The following LRRC53 variants were observed in gnomAD, a reference collection of about 807,000 sequenced individuals.
LRRC53 encodes leucine-rich repeat-containing protein 53.
Under a neutral mutation model 13.6 loss-of-function variants are expected in LRRC53, and 25 were observed. The observed-to-expected ratio is 1.83, with a 90% CI of 1.34 to 2.56. LRRC53 has a LOEUF of 2.56. Ranked by LOEUF, LRRC53 falls within the 30% of genes most tolerant of loss-of-function variation. LRRC53 has a pLI of 0.00. For missense variants in LRRC53, 527 were observed against 275.8 expected, an observed-to-expected ratio of 1.91 and a Z score of -6.45; for synonymous variants, 204 against 109.8, an observed-to-expected ratio of 1.86 and a Z score of -5.37.
chr1:74,480,728 T>C lies in LRRC53; in HGVS notation c.329A>G (p.Gln110Arg). The C allele has an allele frequency of 1.4e-6, 1 of 717,484 alleles. No individual in the cohort carries two copies. The highest frequency in any genetic ancestry group is 2.6e-6 in the Non-Finnish European group (1 of 385,090). The allele number at this position is 717,484 out of a possible 1,614,324, so 44.4% of individuals were successfully genotyped here. The change falls in exon 3 of 5, where the codon CAG becomes CGG. Residue 110 changes from glutamine to arginine, a missense_variant. Gln to Arg is a conservative substitution (Grantham distance 43). Transcript: ENST00000294635. ...DHTFSKLHSL[Q>R]VLVLSNNALR... ...AGCATTATTGCTCAGCACCAGTACC[T>C]GCAGGCTGTGAAGCTTGCTGAAGGT...
intron 1 of LRRC53, 94 bp from the exon 2 acceptor site, chr1:74,483,469 T>C: frequency 1.6e-6 from 1 of 610,458 alleles, no homozygotes; most frequent in Non-Finnish European, 3.0e-6. Context: ...TTTGGTAATT[T>C]CTACTGTTCA....
chr1:74,516,962 T>A (rs1646357567), upstream of LRRC53, among the ~76,000 whole-genome samples: 1 of 152,140 alleles, frequency 6.6e-6, no homozygotes, highest in Admixed American at 6.5e-5. Context: ...CTAAAAGAAA[T>A]ATTTACAGTC....
chr1:74,526,819 A>AAAG, the LRRC53 span, among the ~76,000 whole-genome samples: 1,939 of 152,282 alleles, frequency 0.013, 36 homozygotes, highest in African/African-American at 0.043. Flanking sequence ...CTGACACTCT[A>AAAG]AAGAAGAGAT....
At chr1:74,501,810 C>A (rs924854882) in intron 1 of LRRC53, among the ~76,000 whole-genome samples, 2 of 151,858 alleles carry the variant, frequency 1.3e-5, no homozygotes, top group Non-Finnish European at 2.9e-5. Flanking sequence ...TCATAGAACA[C>A]GTGTAGTAAT....
chr1:74,530,724 T>G, the LRRC53 span, among the ~76,000 whole-genome samples: 1 of 30,532 alleles, frequency 3.3e-5, no homozygotes, highest in Non-Finnish European at 5.1e-5. Flanking sequence ...ACTCAAAAAG[T>G]TTTTTTTTTT....
chr1:74,507,972 A>G (rs1043859231), intron 1 of LRRC53, among the ~76,000 whole-genome samples: 1 of 152,216 alleles, frequency 6.6e-6, no homozygotes, highest in Admixed American at 6.5e-5. Context: ...CAAACATAGT[A>G]TAATATTTCT....
the LRRC53 span, among the ~76,000 whole-genome samples, chr1:74,525,569 G>T: frequency 6.6e-6 from 1 of 152,318 alleles, no homozygotes; most frequent in Non-Finnish European, 1.5e-5. Flanking sequence ...AATAAGTGTT[G>T]CAAGTAAACT....
upstream of LRRC53, among the ~76,000 whole-genome samples, chr1:74,516,105 T>C (rs894390560): frequency 6.6e-6 from 1 of 152,250 alleles, no homozygotes; most frequent in Non-Finnish European, 1.5e-5. Flanking sequence ...GCTGAGAATG[T>C]AGGTCTGAAG....
chr1:74,524,243 T>C, the LRRC53 span, among the ~76,000 whole-genome samples: 1 of 152,346 alleles, frequency 6.6e-6, no homozygotes, highest in Middle Eastern at 3.4e-3. Context: ...GAAGAGTCTG[T>C]TGGGAATTTT....
the LRRC53 span, among the ~76,000 whole-genome samples, chr1:74,533,388 C>A: frequency 6.6e-6 from 1 of 152,090 alleles, no homozygotes. Context: ...GTTAGAATGG[C>A]GATCATTAAA....
At chr1:74,531,462 G>T in the LRRC53 span, among the ~76,000 whole-genome samples, 2 of 152,160 alleles carry the variant, frequency 1.3e-5, no homozygotes, top group Non-Finnish European at 2.9e-5. Flanking sequence ...CCAGAGGAAA[G>T]GTGGGCTAAG....
rs1301290276 is a variant in LRRC53, at chr1:74,483,235, G to A, written c.88+27C>T. On this transcript the variant is annotated intron_variant, in intron 2 of 4. Coordinates refer to ENST00000294635, the MANE Select transcript of LRRC53 (RefSeq NM_001382280.1). ...CAATTTTCCAGGTACACTGAGCACT[G>A]CTTTTTAGAGTTATTAGTTTTATTA... The A allele has an allele frequency of 5.6e-6, 4 of 716,322 alleles. No homozygotes were observed. The Admixed American group carries it at 6.0e-5, about 11-fold the overall frequency. 44.4% of individuals were successfully genotyped at this position (716,322 alleles called of 1,614,324 possible). A position where few individuals can be genotyped will look rare whatever the true frequency, so the allele number is the denominator to read the frequency against.
intron 1 of LRRC53, among the ~76,000 whole-genome samples, chr1:74,486,234 G>GAGAGAGAGAGA: frequency 1.8e-5 from 1 of 56,262 alleles, no homozygotes; most frequent in Non-Finnish European, 4.9e-5. Flanking sequence ...AGAGAGAGAG[G>GAGAGAGAGAGA]TGGGAAATAT....
At chr1:74,479,705 G>A (rs1668382713) in intron 3 of LRRC53, among the ~76,000 whole-genome samples, 1 of 152,150 alleles carries the variant, frequency 6.6e-6, no homozygotes. Context: ...ATACACCATG[G>A]AGAAGCACAC....
chr1:74,533,836 C>A, the LRRC53 span, among the ~76,000 whole-genome samples: 1 of 152,166 alleles, frequency 6.6e-6, no homozygotes, highest in African/African-American at 2.4e-5. Context: ...ACCGCATGTT[C>A]TCACTCATAG....
chr1:74,532,296 C>T, the LRRC53 span, among the ~76,000 whole-genome samples: 1 of 152,074 alleles, frequency 6.6e-6, no homozygotes, highest in Non-Finnish European at 1.5e-5. Context: ...AAAGCTGATT[C>T]TGATTTTGCT....
At chr1:74,486,249 G>T (rs1668760267) in intron 1 of LRRC53, among the ~76,000 whole-genome samples, 1 of 146,468 alleles carries the variant, frequency 6.8e-6, no homozygotes, top group Non-Finnish European at 1.5e-5. Context: ...AAATATACTA[G>T]TTCCTTTCTT....
chr1:74,511,527 T>A (rs1452821618), intron 1 of LRRC53, among the ~76,000 whole-genome samples: 2 of 152,280 alleles, frequency 1.3e-5, no homozygotes, highest in Non-Finnish European at 1.5e-5. Flanking sequence ...CCTATTACGC[T>A]AGCCTCTTCA....
the LRRC53 span, among the ~76,000 whole-genome samples, chr1:74,521,506 G>A: frequency 6.6e-6 from 1 of 151,316 alleles, no homozygotes; most frequent in African/African-American, 2.5e-5. Context: ...CATTATGTAT[G>A]TGTGTATGTG....
Sources: allele counts gnomAD v4.1 joint callset (sites outside exome capture counted in the v4.1 genomes callset), GRCh38; gene constraint gnomAD v4.1.1; transcripts MANE v1.5; gene names NCBI Gene and HGNC (gene_info 2026-07-23, HGNC 2026-07-21).